Variants in HCN1 observed in about 807,000 individuals in gnomAD.
HCN1 encodes the protein potassium/sodium hyperpolarization-activated cyclic nucleotide-gated channel 1.
Under a neutral mutation model 78.9 loss-of-function variants are expected in HCN1, and 13 were observed. That is an observed-to-expected ratio of 0.16 (90% CI 0.11 to 0.26). HCN1 has a LOEUF of 0.26. Among genes scored for constraint, HCN1 ranks in the 10% least tolerant of loss-of-function variants. The pLI is 1.00. For synonymous variants in HCN1, 552 were observed against 455.5 expected (o/e 1.21, Z -2.70); for missense variants, 810 against 1,154.3 (o/e 0.70, Z 4.32).
At chr5:45,648,303 T>C (rs1007034757) in intron 1 of HCN1, among the ~76,000 whole-genome samples, 5 of 152,172 alleles carry the variant, frequency 3.3e-5, no homozygotes, top group African/African-American at 1.2e-4. Flanking sequence ...GCAATAGAGA[T>C]GAAAAGAAAG....
chr5:45,690,499 T>C (rs1052277218), intron 1 of HCN1, among the ~76,000 whole-genome samples: 4 of 152,014 alleles, frequency 2.6e-5, no homozygotes, highest in Non-Finnish European at 4.4e-5. Context: ...GTAGCACATA[T>C]ATACAAATAG....
intron 1 of HCN1, among the ~76,000 whole-genome samples, chr5:45,670,579 T>G (rs1167102462): frequency 6.6e-6 from 1 of 151,678 alleles, no homozygotes; most frequent in African/African-American, 2.4e-5. Flanking sequence ...ATTTCTTAAA[T>G]TGTCATGCCC....
chr5:45,361,833 A>G (rs1237283389), intron 4 of HCN1, among the ~76,000 whole-genome samples: 1 of 152,106 alleles, frequency 6.6e-6, no homozygotes, highest in Non-Finnish European at 1.5e-5. Flanking sequence ...GTTTTTGAAA[A>G]GTCAATTTAA....
At chr5:45,486,424 A>C (rs1283009147) in intron 2 of HCN1, among the ~76,000 whole-genome samples, 1 of 152,140 alleles carries the variant, frequency 6.6e-6, no homozygotes, top group Admixed American at 6.5e-5. Context: ...ACCCAACATG[A>C]CATGGATAAA....
chr5:45,455,171 G>A (rs1018166737), intron 3 of HCN1, among the ~76,000 whole-genome samples: 1 of 152,038 alleles, frequency 6.6e-6, no homozygotes, highest in African/African-American at 2.4e-5. Flanking sequence ...AAATTAAGAA[G>A]AGAAAATAGG....
At chr5:45,468,002 G>A (rs1052459181) in intron 2 of HCN1, among the ~76,000 whole-genome samples, 1 of 151,950 alleles carries the variant, frequency 6.6e-6, no homozygotes, top group African/African-American at 2.4e-5. Flanking sequence ...TCTTCTCATG[G>A]CTATATGTAC....
intron 2 of HCN1, among the ~76,000 whole-genome samples, chr5:45,562,559 G>A (rs1374550358): frequency 6.6e-6 from 1 of 151,756 alleles, no homozygotes; most frequent in Non-Finnish European, 1.5e-5. Context: ...TACACAAATA[G>A]GCACACACAG....
At chr5:45,516,658 A>G (rs527989947) in intron 2 of HCN1, among the ~76,000 whole-genome samples, 2 of 152,096 alleles carry the variant, frequency 1.3e-5, no homozygotes, top group East Asian at 3.9e-4. Flanking sequence ...GATTAACTGC[A>G]TATTGATCCT....
intron 2 of HCN1, among the ~76,000 whole-genome samples, chr5:45,467,855 G>C (rs866436360): frequency 6.6e-6 from 1 of 152,038 alleles, no homozygotes. Flanking sequence ...AATTGAAAAA[G>C]AATCTTCACT....
chr5:45,460,522 T>A (rs1267276181), intron 3 of HCN1, among the ~76,000 whole-genome samples: 1 of 152,134 alleles, frequency 6.6e-6, no homozygotes. Context: ...CATTACATTC[T>A]GGTGTGGGGA....
chr5:45,584,993 G>A (rs141462209), intron 2 of HCN1, among the ~76,000 whole-genome samples: 1,690 of 152,178 alleles, frequency 0.011, 18 homozygotes, highest in Middle Eastern at 0.058. Flanking sequence ...TGGTGAATCC[G>A]ACAATTATGT....
At chr5:45,447,780 C>A (rs1324213889) in intron 3 of HCN1, among the ~76,000 whole-genome samples, 1 of 152,000 alleles carries the variant, frequency 6.6e-6, no homozygotes, top group African/African-American at 2.4e-5. Flanking sequence ...ATATGCTAGT[C>A]CTAAGGTTCA....
At chr5:45,604,127 T>G (rs1450979276) in intron 2 of HCN1, among the ~76,000 whole-genome samples, 2 of 152,106 alleles carry the variant, frequency 1.3e-5, no homozygotes, top group South Asian at 4.1e-4. Flanking sequence ...CCAGACAGAA[T>G]TGACAGAATG....
At chr5:45,358,546 A>G (rs1747049344) in intron 4 of HCN1, among the ~76,000 whole-genome samples, 1 of 152,092 alleles carries the variant, frequency 6.6e-6, no homozygotes, top group Admixed American at 6.6e-5. Context: ...CATTCACTGT[A>G]CCTATTTATA....
rs1366656506 is a variant in HCN1, at chr5:45,314,690, A to G, written c.1378-10851T>C. On this transcript the variant is annotated intron_variant, in intron 5 of 7. Coordinates refer to ENST00000303230, the MANE Select transcript of HCN1 (RefSeq NM_021072.4). ...AGACCCATCTCACATGCAGAGACAC[A>G]CAGGCTCAAAATAAAGGGATAGAGG... Among the ~76,000 whole-genome samples the G allele has an allele frequency of 2.6e-5, 4 of 152,290 alleles. No homozygotes were observed. In the East Asian group the frequency reaches 7.7e-4, roughly 29 times the overall value.
intron 6 of HCN1, among the ~76,000 whole-genome samples, chr5:45,294,182 C>T (rs895137078): frequency 5.9e-5 from 9 of 151,984 alleles, no homozygotes; most frequent in African/African-American, 2.2e-4. Context: ...GCAGATGTTT[C>T]AGTCCTCTTA....
At chr5:45,400,379 T>C (rs1739768022) in intron 3 of HCN1, among the ~76,000 whole-genome samples, 1 of 150,682 alleles carries the variant, frequency 6.6e-6, no homozygotes, top group Non-Finnish European at 1.5e-5. Flanking sequence ...TTGAAATAAA[T>C]ATATATTAAA....
intron 5 of HCN1, among the ~76,000 whole-genome samples, chr5:45,346,715 C>A (rs1161026781): frequency 6.6e-6 from 1 of 152,222 alleles, no homozygotes; most frequent in Non-Finnish European, 1.5e-5. Context: ...AGATTATATC[C>A]TGCACCTGGC....
rs112830857 is a variant in HCN1 at position 45,475,982 on chromosome 5, T to C, written c.850-13975A>G. On this transcript the variant is annotated intron_variant, in intron 2 of 7. Transcript: ENST00000303230. ...TGCATATACAGAATAACATAGACGA[T>C]AGAACTTTTAGCATTACATTTTAAA... 6.6e-3 allele frequency among the ~76,000 whole-genome samples: 1,001 copies of C among 152,268 alleles called. 6 individuals are homozygous for C. The highest frequency in any genetic ancestry group is 0.023 in the African/African-American group (948 of 41,562).
Sources: allele counts gnomAD v4.1 joint callset (sites outside exome capture counted in the v4.1 genomes callset), GRCh38; gene constraint gnomAD v4.1.1; transcripts MANE v1.5; gene names NCBI Gene and HGNC (gene_info 2026-07-23, HGNC 2026-07-21).